RTN1: variants seen among roughly 807,000 people sequenced by gnomAD.
RTN1 encodes the protein reticulon-1.
A neutral mutation model predicts 65.5 loss-of-function variants in RTN1; 25 were observed. The observed-to-expected ratio is 0.38, with a 90% CI of 0.28 to 0.53. The LOEUF (loss-of-function observed/expected upper bound fraction) is 0.53. RTN1 is among the 20% of genes least tolerant of loss of function. The probability of loss-of-function intolerance (pLI) is 0.79; values close to 1 mark genes in which losing one functional copy is unlikely to be tolerated. For missense variants in RTN1, 983 were observed against 1,025.4 expected, an observed-to-expected ratio of 0.96 and a Z score of 0.57; for synonymous variants, 471 against 447.6, an observed-to-expected ratio of 1.05 and a Z score of -0.66.
intron 3 of RTN1, among the ~76,000 whole-genome samples, chr14:59,644,659 C>T (rs1274864556): frequency 6.6e-6 from 1 of 152,232 alleles, no homozygotes; most frequent in Non-Finnish European, 1.5e-5. Flanking sequence ...CATGGTACCT[C>T]ACAGGACGAG....
intron 3 of RTN1, among the ~76,000 whole-genome samples, chr14:59,628,460 C>T (rs938593751): frequency 2.6e-5 from 4 of 152,130 alleles, no homozygotes; most frequent in Non-Finnish European, 5.9e-5. Context: ...GTTAAAAGTT[C>T]TCACAGTGAG....
At chr14:59,731,500 A>C (rs1884896411) in intron 2 of RTN1, among the ~76,000 whole-genome samples, 1 of 152,208 alleles carries the variant, frequency 6.6e-6, no homozygotes, top group African/African-American at 2.4e-5. Flanking sequence ...ATTATATCTC[A>C]ATAAAGCTGT....
chr14:59,674,120 C>T (rs1279155460), intron 3 of RTN1, among the ~76,000 whole-genome samples: 1 of 152,136 alleles, frequency 6.6e-6, no homozygotes. Context: ...TTTCAGTTTT[C>T]AATGTCCCTG....
intron 3 of RTN1, among the ~76,000 whole-genome samples, chr14:59,636,365 T>TTGCCACA (rs1882665208): frequency 6.6e-6 from 1 of 152,142 alleles, no homozygotes. Flanking sequence ...CTCTGCTCCC[T>TTGCCACA]TGCTCCACTC....
chr14:59,782,710 A>C (rs1476008216), intron 1 of RTN1, among the ~76,000 whole-genome samples: 3 of 152,240 alleles, frequency 2.0e-5, no homozygotes, highest in Non-Finnish European at 4.4e-5. Context: ...TGTTTTTATA[A>C]TCTAGGACCT....
intron 1 of RTN1, among the ~76,000 whole-genome samples, chr14:59,831,556 G>C (rs1220083130): frequency 1.3e-5 from 2 of 152,116 alleles, no homozygotes; most frequent in Non-Finnish European, 2.9e-5. Flanking sequence ...CCATAACTGT[G>C]TGTGAGCTAC....
At chr14:59,669,718 G>C (rs1442247315) in intron 3 of RTN1, among the ~76,000 whole-genome samples, 1 of 152,134 alleles carries the variant, frequency 6.6e-6, no homozygotes, top group African/African-American at 2.4e-5. Flanking sequence ...GCTCTGTCAA[G>C]TCACCTATGT....
At chr14:59,707,660 T>C (rs1438834441) in intron 3 of RTN1, among the ~76,000 whole-genome samples, 1 of 151,912 alleles carries the variant, frequency 6.6e-6, no homozygotes, top group Non-Finnish European at 1.5e-5. Context: ...AGGAGTTAAC[T>C]GCTTGATAAT....
chr14:59,736,421 C>A (rs1361663640), intron 2 of RTN1, among the ~76,000 whole-genome samples: 6 of 152,076 alleles, frequency 3.9e-5, no homozygotes, highest in African/African-American at 1.4e-4. Flanking sequence ...ACTAGAAAAT[C>A]TAGAAGAAAT....
At chr14:59,768,330 T>G (rs1594734091) in intron 1 of RTN1, among the ~76,000 whole-genome samples, 1 of 152,236 alleles carries the variant, frequency 6.6e-6, no homozygotes, top group Admixed American at 6.5e-5. Context: ...TAGACTTTTC[T>G]TTGGCAACAC....
chr14:59,637,366 A>G (rs920895750), intron 3 of RTN1, among the ~76,000 whole-genome samples: 3 of 152,196 alleles, frequency 2.0e-5, no homozygotes, highest in African/African-American at 7.2e-5. Context: ...TATTTTCACC[A>G]TATCTGCACT....
intron 3 of RTN1, among the ~76,000 whole-genome samples, chr14:59,674,680 T>C (rs1226601319): frequency 6.6e-6 from 1 of 152,186 alleles, no homozygotes; most frequent in African/African-American, 2.4e-5. Flanking sequence ...TTATTCAACA[T>C]ATTGAAAGAT....
chr14:59,858,516 C>T lies in RTN1; in HGVS notation c.241+11874G>A, dbSNP rs185729354. On this transcript the variant is annotated intron_variant, in intron 1 of 8. Coordinates refer to ENST00000267484, the MANE Select transcript of RTN1 (RefSeq NM_021136.3). The stretch of plus-strand genomic sequence containing the variant: ...AGCCAAAGATTTGCTATGCATAAAA[C>T]AAAATTCTAGGAATTTTGGAGAATG... Among the ~76,000 whole-genome samples the T allele has an allele frequency of 1.3e-3, 188 of 145,932 alleles. 7 individuals are homozygous for T. The East Asian group carries it at 0.038, about 30-fold the overall frequency.
At chr14:59,683,868 G>A (rs568083143) in intron 3 of RTN1, among the ~76,000 whole-genome samples, 7 of 152,150 alleles carry the variant, frequency 4.6e-5, no homozygotes, top group Admixed American at 4.6e-4. Context: ...TCTTGCCAAC[G>A]CCAGCTCTCT....
intron 3 of RTN1, among the ~76,000 whole-genome samples, chr14:59,670,979 A>G (rs979883332): frequency 1.3e-5 from 2 of 152,190 alleles, no homozygotes; most frequent in African/African-American, 4.8e-5. Context: ...GAGCTACCAC[A>G]TGTAGTTAAT....
intron 3 of RTN1, among the ~76,000 whole-genome samples, chr14:59,672,656 C>T (rs1288865277): frequency 6.5e-5 from 5 of 77,450 alleles, no homozygotes; most frequent in East Asian, 4.1e-4. Context: ...TTTTTTGAGA[C>T]GGAGTCTCGC....
chr14:59,804,281 T>C (rs1845238627), intron 1 of RTN1, among the ~76,000 whole-genome samples: 1 of 152,140 alleles, frequency 6.6e-6, no homozygotes, highest in Non-Finnish European at 1.5e-5. Flanking sequence ...GTTTTTTTCC[T>C]CATCATTAGA....
At chr14:59,786,190 C>T (rs1236101643) in intron 1 of RTN1, among the ~76,000 whole-genome samples, 2 of 152,190 alleles carry the variant, frequency 1.3e-5, no homozygotes, top group Non-Finnish European at 2.9e-5. Flanking sequence ...CAAGGTGGTC[C>T]AGCTGCAAAC....
At chr14:59,780,590 C>A (rs1886136587) in intron 1 of RTN1, among the ~76,000 whole-genome samples, 1 of 152,100 alleles carries the variant, frequency 6.6e-6, no homozygotes, top group Non-Finnish European at 1.5e-5. Flanking sequence ...AAAGCAAGAG[C>A]CAAGGTCTAG....
Sources: allele counts gnomAD v4.1 joint callset (sites outside exome capture counted in the v4.1 genomes callset), GRCh38; gene constraint gnomAD v4.1.1; transcripts MANE v1.5; gene names NCBI Gene and HGNC (gene_info 2026-07-23, HGNC 2026-07-21).